The following CBLB variants were observed in gnomAD, a reference collection of about 807,000 sequenced individuals.
CBLB encodes E3 ubiquitin-protein ligase CBL-B.
CBLB carries 31 observed loss-of-function variants against 104.9 expected under a neutral mutation model. That is an observed-to-expected ratio of 0.30 (90% CI 0.22 to 0.40). The LOEUF (loss-of-function observed/expected upper bound fraction) is 0.40, where lower values mean the gene tolerates loss of function less well. Ranked by LOEUF, CBLB falls within the 10% of genes least tolerant of loss-of-function variation. CBLB has a pLI of 1.00. For synonymous variants in CBLB, 440 were observed against 422.6 expected (o/e 1.04, Z -0.51); for missense variants, 1,062 against 1,214.6 (o/e 0.87, Z 1.87).
chr3:105,692,533 A>G (rs535817310), intron 13 of CBLB, among the ~76,000 whole-genome samples: 2 of 152,296 alleles, frequency 1.3e-5, no homozygotes, highest in East Asian at 3.9e-4. Context: ...CACAGGAGGA[A>G]CAGCATAAAA....
intron 6 of CBLB, among the ~76,000 whole-genome samples, chr3:105,744,667 C>T (rs1260768999): frequency 4.6e-5 from 7 of 152,044 alleles, no homozygotes; most frequent in Non-Finnish European, 7.4e-5. Context: ...CATGGTGGCT[C>T]ACGCCTGTAA....
At position 105,720,170 on chromosome 3, in the gene CBLB, TG is replaced by T. The variant is rs1268864828; in HGVS notation, c.1283del (p.Pro428GlnfsTer20). ...TEPIIVDPFD[P>X]RDEGSRCCSI... is the part of the protein sequence containing the mutation. ...TGCAACACCTGGAGCCTTCATCTCT[TG>T]GATCAAAGGGGTCCACGATTATGGG... On this transcript the variant is annotated frameshift_variant, in exon 10 of 19. Transcript: ENST00000394030. LOFTEE classifies it high-confidence loss of function. 6.2e-7 allele frequency: 1 copy of T among 1,613,994 alleles called. No individual in the cohort carries two copies. The highest frequency in any genetic ancestry group is 8.5e-7 in the Non-Finnish European group (1 of 1,179,962).
intron 3 of CBLB, among the ~76,000 whole-genome samples, chr3:105,815,299 T>G (rs1268048475): frequency 1.3e-5 from 2 of 152,126 alleles, no homozygotes; most frequent in African/African-American, 4.8e-5. Context: ...TCTTTTAGAA[T>G]GTAGTAGTGA....
chr3:105,863,529 T>C (rs1185560490), intron 2 of CBLB, among the ~76,000 whole-genome samples: 1 of 152,218 alleles, frequency 6.6e-6, no homozygotes, highest in African/African-American at 2.4e-5. Context: ...TTAGTCCACA[T>C]GGAATATCTT....
At chr3:105,679,270 TA>T (rs2066012638) in intron 16 of CBLB, among the ~76,000 whole-genome samples, 2 of 149,928 alleles carry the variant, frequency 1.3e-5, no homozygotes, top group East Asian at 3.9e-4. Context: ...CATAGTTTTA[TA>T]TCTACTTATT....
chr3:105,706,948 A>G (rs1232855722), intron 10 of CBLB, among the ~76,000 whole-genome samples: 2 of 152,180 alleles, frequency 1.3e-5, no homozygotes, highest in African/African-American at 4.8e-5. Flanking sequence ...CTGAAACAAG[A>G]CACAGAATTG....
At chr3:105,687,757 A>C (rs4894939) in intron 13 of CBLB, among the ~76,000 whole-genome samples, 151,019 of 151,552 alleles carry the variant, frequency 1, 75,247 homozygotes, top group East Asian at 1. Context: ...GAATAACATT[A>C]CAGTGTATTT....
intron 16 of CBLB, among the ~76,000 whole-genome samples, chr3:105,679,632 C>T (rs952102295): frequency 6.6e-6 from 1 of 151,856 alleles, no homozygotes. Flanking sequence ...AAAAATTAGC[C>T]GGGCATGGTG....
At chr3:105,713,947 AAAAAAC>A (rs1271393432) in intron 10 of CBLB, among the ~76,000 whole-genome samples, 1 of 152,186 alleles carries the variant, frequency 6.6e-6, no homozygotes, top group African/African-American at 2.4e-5. Context: ...TAGTCATTGC[AAAAAAC>A]AAAAGTGTCC....
intron 2 of CBLB, among the ~76,000 whole-genome samples, chr3:105,865,237 C>T (rs2092358334): frequency 1.3e-5 from 2 of 152,238 alleles, no homozygotes; most frequent in South Asian, 4.1e-4. Context: ...TTATATACTG[C>T]CAATTAGTAA....
In CBLB at chr3:105,856,122, C is replaced by G. The variant is rs182215379; in HGVS notation, c.169-2458G>C. Among the ~76,000 whole-genome samples, 20 of 152,138 alleles carry G rather than the reference C, an allele frequency of 1.3e-4. No individual in the cohort carries two copies. In the East Asian group the frequency reaches 3.9e-3, roughly 29 times the overall value. ...ACCCCAGCACTTTGGGAGGCCGAGACAGGCAGATCATGAGGTCAGGAGTTC... is the reference window on the plus strand; with the variant it reads ...ACCCCAGCACTTTGGGAGGCCGAGAGAGGCAGATCATGAGGTCAGGAGTTC... On this transcript the variant is annotated intron_variant, in intron 2 of 18. Transcript: ENST00000394030.
intron 12 of CBLB, among the ~76,000 whole-genome samples, chr3:105,695,267 T>G (rs2068213397): frequency 6.6e-6 from 1 of 151,848 alleles, no homozygotes; most frequent in African/African-American, 2.4e-5. Flanking sequence ...GATATGGGAA[T>G]AATAGTTTCA....
intron 3 of CBLB, among the ~76,000 whole-genome samples, chr3:105,813,212 T>A (rs938943531): frequency 5.9e-5 from 9 of 152,208 alleles, no homozygotes; most frequent in African/African-American, 2.2e-4. Flanking sequence ...TTTCACCTTA[T>A]AATAACACAT....
chr3:105,827,391 T>C (rs1292277949), intron 3 of CBLB, among the ~76,000 whole-genome samples: 16 of 152,336 alleles, frequency 1.1e-4, no homozygotes, highest in South Asian at 6.2e-4. Flanking sequence ...GTAAGTGTTA[T>C]TACTTAGTCT....
intron 3 of CBLB, among the ~76,000 whole-genome samples, chr3:105,797,992 G>A (rs2082423875): frequency 6.6e-6 from 1 of 152,194 alleles, no homozygotes; most frequent in African/African-American, 2.4e-5. Flanking sequence ...ACTGAGCTGT[G>A]CTCAGGAGCC....
At chr3:105,820,087 C>T (rs1011717705) in intron 3 of CBLB, among the ~76,000 whole-genome samples, 2 of 152,128 alleles carry the variant, frequency 1.3e-5, no homozygotes, top group Non-Finnish European at 2.9e-5. Context: ...ACTAGATGGT[C>T]CCATCTGGGG....
Position 105,737,226 on chromosome 3 carries a change from G to A in CBLB, c.1016C>T (p.Pro339Leu). ...AGGTTCACATAATCCAGTTAAATCA[G>A]GATTATAACTCCTCCCATCAGGATA... is the stretch of plus-strand genomic sequence containing the variant. The part of the protein sequence containing the change: ...YLYPDGRSYN[P>L]DLTGLCEPTP... Residue 339 changes from proline to leucine, a missense_variant, in exon 8 of 19, where the codon CCT becomes CTT. By Grantham distance (98) the Pro-to-Leu change is moderately conservative (BLOSUM62 -3). This residue lies in a region of CBLB where 457 missense variants were observed against 632.0 expected (regional missense o/e 0.72). Transcript: ENST00000394030. 6.3e-7 allele frequency: 1 copy of A among 1,584,636 alleles called. No homozygotes were observed. Among genetic ancestry groups the A allele is most frequent in the Non-Finnish European group, 8.7e-7 (1 of 1,156,030 alleles).
chr3:105,827,827 T>C (rs1404778156), intron 3 of CBLB, among the ~76,000 whole-genome samples: 1 of 152,182 alleles, frequency 6.6e-6, no homozygotes, highest in Non-Finnish European at 1.5e-5. Context: ...CAGTGGTTGC[T>C]CTGAAAACAA....
At chr3:105,660,893 T>C (rs940962372) in intron 18 of CBLB, among the ~76,000 whole-genome samples, 1 of 151,906 alleles carries the variant, frequency 6.6e-6, no homozygotes, top group African/African-American at 2.4e-5. Flanking sequence ...TATAGCAATA[T>C]CAATATAACA....
Sources: allele counts gnomAD v4.1 joint callset (sites outside exome capture counted in the v4.1 genomes callset), GRCh38; gene constraint gnomAD v4.1.1; regional missense constraint gnomAD v4.1.1; transcripts MANE v1.5; gene names NCBI Gene and HGNC (gene_info 2026-07-23, HGNC 2026-07-21).